BMPR1B: variants seen among roughly 807,000 people sequenced by gnomAD.
BMPR1B encodes bone morphogenetic protein receptor type-1B.
A neutral mutation model predicts 59.1 loss-of-function variants in BMPR1B; 12 were observed. That is an observed-to-expected ratio of 0.20 (90% CI 0.13 to 0.33). BMPR1B has a LOEUF of 0.33. Among genes scored for constraint, BMPR1B ranks in the 10% least tolerant of loss-of-function variants. BMPR1B has a pLI of 1.00. For synonymous variants in BMPR1B, 237 were observed against 207.3 expected (o/e 1.14, Z -1.23); for missense variants, 550 against 610.9 (o/e 0.90, Z 1.05).
chr4:94,994,573 G>A (rs1310734893), intron 2 of BMPR1B, among the ~76,000 whole-genome samples: 3 of 152,098 alleles, frequency 2.0e-5, no homozygotes, highest in African/African-American at 7.2e-5. Flanking sequence ...TTTTATCTTT[G>A]CCTGTTCAGC....
chr4:94,922,886 C>T (rs1315606511), intron 2 of BMPR1B, among the ~76,000 whole-genome samples: 1 of 152,108 alleles, frequency 6.6e-6, no homozygotes, highest in Non-Finnish European at 1.5e-5. Context: ...ATTATGCAAT[C>T]TTTTAACAAT....
At chr4:95,074,522 C>T (rs1279639635) in intron 3 of BMPR1B, among the ~76,000 whole-genome samples, 1 of 152,042 alleles carries the variant, frequency 6.6e-6, no homozygotes, top group African/African-American at 2.4e-5. Context: ...TTTTCTTCTT[C>T]ATTTTCATTT....
At chr4:95,097,856 C>CT (rs370443877) in intron 3 of BMPR1B, among the ~76,000 whole-genome samples, 195 of 152,158 alleles carry the variant, frequency 1.3e-3, no homozygotes, top group African/African-American at 4.3e-3. Flanking sequence ...TGGTGAAAAA[C>CT]TTTTTTGTAG....
At chr4:95,046,901 A>C (rs1277685712) in intron 3 of BMPR1B, among the ~76,000 whole-genome samples, 1 of 152,192 alleles carries the variant, frequency 6.6e-6, no homozygotes, top group Admixed American at 6.5e-5. Context: ...TGTAATTGAA[A>C]TAGAATCTAT....
At chr4:95,049,440 T>TGCAG (rs1726287761) in intron 3 of BMPR1B, among the ~76,000 whole-genome samples, 2 of 20,708 alleles carry the variant, frequency 9.7e-5, no homozygotes, top group Non-Finnish European at 1.5e-4. Flanking sequence ...TTTTTTTTTT[T>TGCAG]TTTTTTTTTT....
chr4:95,153,183 A>T (rs1166021693), intron 12 of BMPR1B, among the ~76,000 whole-genome samples: 1 of 152,220 alleles, frequency 6.6e-6, no homozygotes, highest in Non-Finnish European at 1.5e-5. Flanking sequence ...AAAGTGATAC[A>T]GGTTGACCTA....
At chr4:95,086,963 C>T (rs919950949) in intron 3 of BMPR1B, among the ~76,000 whole-genome samples, 3 of 149,634 alleles carry the variant, frequency 2.0e-5, no homozygotes, top group South Asian at 2.1e-4. Context: ...ATATGTGGTC[C>T]TTGGAGTAAA....
chr4:95,138,802 A>G (rs1733998230), intron 10 of BMPR1B, among the ~76,000 whole-genome samples: 1 of 152,120 alleles, frequency 6.6e-6, no homozygotes, highest in Non-Finnish European at 1.5e-5. Context: ...CTAGTTAGCC[A>G]TTCGTCTAAT....
chr4:94,800,810 G>T (rs1343699173), intron 1 of BMPR1B, among the ~76,000 whole-genome samples: 1 of 152,102 alleles, frequency 6.6e-6, no homozygotes, highest in African/African-American at 2.4e-5. Flanking sequence ...TTTTGATTTA[G>T]CCACTGTCCT....
At chr4:94,849,111 G>A (rs1371178634) in intron 1 of BMPR1B, among the ~76,000 whole-genome samples, 2 of 152,156 alleles carry the variant, frequency 1.3e-5, no homozygotes, top group African/African-American at 4.8e-5. Context: ...GACCATGTAG[G>A]GAGTGAATGT....
intron 3 of BMPR1B, among the ~76,000 whole-genome samples, chr4:95,017,341 T>G (rs1042337672): frequency 1.3e-5 from 2 of 152,248 alleles, no homozygotes; most frequent in African/African-American, 2.4e-5. Flanking sequence ...GTTATCTGAC[T>G]TTGATCCCAT....
intron 9 of BMPR1B, among the ~76,000 whole-genome samples, chr4:95,130,310 C>T (rs919227122): frequency 6.6e-6 from 1 of 152,030 alleles, no homozygotes; most frequent in Non-Finnish European, 1.5e-5. Context: ...ACAGGAAATG[C>T]GAGTGTAAAA....
chr4:95,049,431 T>G (rs1726284629), intron 3 of BMPR1B, among the ~76,000 whole-genome samples: 2 of 8,528 alleles, frequency 2.3e-4, no homozygotes, highest in Non-Finnish European at 4.1e-4. Context: ...TTTTTTTTTT[T>G]TTTTTTTTTT....
chr4:95,156,970 G>A lies in BMPR1B; in HGVS notation c.*2297G>A, dbSNP rs1735474424. 1 of 152,114 alleles carries A rather than the reference G, an allele frequency of 6.6e-6. No homozygotes were observed. The highest frequency in any genetic ancestry group is 2.1e-4 in the South Asian group (1 of 4,830). 9.4% of individuals were successfully genotyped at this position (152,114 alleles called of 1,614,324 possible). ...TGGGTTTTTCCTAAATTTAAGTGAG[G>A]TTGGGCTTACCTTGTAGATAAAATT... On this transcript the variant is annotated 3_prime_UTR_variant, in exon 13 of 13. Coordinates refer to ENST00000515059, the MANE Select transcript of BMPR1B (RefSeq NM_001203.3).
chr4:94,957,955 T>C (rs1158585106), intron 2 of BMPR1B, among the ~76,000 whole-genome samples: 1 of 152,168 alleles, frequency 6.6e-6, no homozygotes, highest in East Asian at 1.9e-4. Flanking sequence ...AGGCCATTAT[T>C]AACTTTGGAA....
chr4:95,074,098 G>GT (rs143363287), intron 3 of BMPR1B, among the ~76,000 whole-genome samples: 18,457 of 147,148 alleles, frequency 0.13, 1,394 homozygotes, highest in East Asian at 0.28. Context: ...CTTGGTAAGT[G>GT]TTTTTTTTTT....
chr4:95,021,402 A>G (rs1168025382), intron 3 of BMPR1B, among the ~76,000 whole-genome samples: 1 of 152,226 alleles, frequency 6.6e-6, no homozygotes, highest in East Asian at 1.9e-4. Flanking sequence ...TTAACCTAGC[A>G]TATTATTCAG....
chr4:94,957,466 C>T (rs534181512), intron 2 of BMPR1B, among the ~76,000 whole-genome samples: 1 of 149,988 alleles, frequency 6.7e-6, no homozygotes, highest in East Asian at 2.0e-4. Context: ...AAAATGAGCT[C>T]TATTACTTGT....
intron 1 of BMPR1B, among the ~76,000 whole-genome samples, chr4:94,842,465 T>C (rs566985225): frequency 1.2e-4 from 19 of 152,342 alleles, no homozygotes; most frequent in Admixed American, 3.3e-4. Context: ...TAAAGGTAAG[T>C]TATCCCTGAT....
Sources: gnomAD v4.1 joint callset for allele counts (sites outside exome capture counted in the v4.1 genomes callset) on GRCh38, gnomAD v4.1.1 for gene constraint, MANE v1.5 for transcripts, NCBI Gene and HGNC (gene_info 2026-07-23, HGNC 2026-07-21) for gene names.